The following AZIN2 variants were observed in gnomAD, a reference collection of about 807,000 sequenced individuals.
The protein encoded by AZIN2 is antizyme inhibitor 2.
A neutral mutation model predicts 47.8 loss-of-function variants in AZIN2; 28 were observed. That is an observed-to-expected ratio of 0.59 (90% CI 0.43 to 0.80). The LOEUF is 0.80. Among genes scored for constraint, AZIN2 ranks in the 30% least tolerant of loss-of-function variants. The probability of loss-of-function intolerance (pLI) is 0.00; values close to 1 mark genes in which losing one functional copy is unlikely to be tolerated. For synonymous variants in AZIN2, 221 were observed against 239.4 expected, an observed-to-expected ratio of 0.92 and a Z score of 0.71; for missense variants, 535 against 582.5, an observed-to-expected ratio of 0.92 and a Z score of 0.84.
At chr1:33,096,955 G>A in intron 9 of AZIN2, 86 bp downstream of exon 9, 1 of 1,539,934 alleles carries the variant, frequency 6.5e-7, no homozygotes, top group Non-Finnish European at 8.9e-7. Context: ...TTTAGACCCA[G>A]TGGCAGAGGA....
chr1:33,145,817 A>C, the AZIN2 span: 1 of 469,160 alleles, frequency 2.1e-6, no homozygotes, highest in Non-Finnish European at 4.4e-6. Flanking sequence ...GCTGTGGCAG[A>C]AAAACGCAGG....
chr1:33,120,270 T>G lies in AZIN2; in HGVS notation c.*88T>G. ...GGAAGATGGCAGGCAAGGGTACCCTTGGCCAGGACTCTGGTGCCCACCCTG... is the reference window on the plus strand; with the variant it reads ...GGAAGATGGCAGGCAAGGGTACCCTGGGCCAGGACTCTGGTGCCCACCCTG... On this transcript the variant is annotated 3_prime_UTR_variant, in exon 12 of 12. Transcript: ENST00000294517. 1 of 1,517,982 alleles carries G rather than the reference T, an allele frequency of 6.6e-7. No homozygotes were observed. The highest frequency in any genetic ancestry group is 8.8e-7 in the Non-Finnish European group (1 of 1,130,316). 94.0% of individuals were successfully genotyped at this position (1,517,982 alleles called of 1,614,324 possible).
At chr1:33,147,843 G>C in the AZIN2 span, 7 of 1,153,292 alleles carry the variant, frequency 6.1e-6, no homozygotes, top group South Asian at 3.1e-5. The surrounding 1 kb of genome is among the most constrained non-coding windows in gnomAD (Gnocchi z 8.1). Flanking sequence ...CTGACCTGCT[G>C]TGTGACCTTG....
At chr1:33,090,029 A>G (rs1329435905) in intron 5 of AZIN2, among the ~76,000 whole-genome samples, 2 of 152,186 alleles carry the variant, frequency 1.3e-5, no homozygotes, top group African/African-American at 4.8e-5. Flanking sequence ...TGAATGGGTT[A>G]TTGGCAAGGA....
At chr1:33,112,270 A>G (rs1014036526) in intron 10 of AZIN2, among the ~76,000 whole-genome samples, 2 of 152,180 alleles carry the variant, frequency 1.3e-5, no homozygotes, top group Non-Finnish European at 2.9e-5. Context: ...CTAGGCCTAT[A>G]TTGTAAAGAA....
chr1:33,165,244 G>A, the AZIN2 span: 35 of 479,062 alleles, frequency 7.3e-5, 2 homozygotes, highest in Non-Finnish European at 9.8e-5. This position sits in a 1 kb window ranked among gnomAD's most constrained non-coding sequence, Gnocchi z 4.0. Context: ...CGAGGGACCA[G>A]CCCACATCCT....
intron 10 of AZIN2, among the ~76,000 whole-genome samples, chr1:33,111,866 G>T (rs1570164286): frequency 6.6e-6 from 1 of 152,116 alleles, no homozygotes; most frequent in East Asian, 1.9e-4. Context: ...GCCTCCCAAA[G>T]TGCTGGGATT....
In AZIN2 at chr1:33,098,106, T is replaced by TGA. The variant is rs1244626733; in HGVS notation, c.956_957insGA (p.Asp320MetfsTer60). On this transcript the variant is annotated frameshift_variant, in exon 10 of 12. Transcript: ENST00000294517. LOFTEE classifies it high-confidence loss of function. ...ACCTCCAAGACCATCGTGTACCACC[T>TGA]TGATGAGGGCGTGTATGGGATCTTC... 6.2e-7 allele frequency: 1 copy of TGA among 1,614,168 alleles called. No homozygotes were observed. The highest frequency in any genetic ancestry group is 1.7e-5 in the Admixed American group (1 of 60,020).
At chr1:33,133,026 AGGCTTTGTGCTCCTT>A in the AZIN2 span, among the ~76,000 whole-genome samples, 1 of 152,208 alleles carries the variant, frequency 6.6e-6, no homozygotes. Context: ...TCCTTGGAGG[AGGCTTTGTGCTCCTT>A]GGTAAGGTTC....
intron 10 of AZIN2, among the ~76,000 whole-genome samples, chr1:33,110,969 G>A (rs1644259800): frequency 6.6e-6 from 1 of 152,238 alleles, no homozygotes; most frequent in South Asian, 2.1e-4. Context: ...CTCCAAGGCT[G>A]ATATTGAAAC....
chr1:33,087,460 A>G (rs1315296582), intron 5 of AZIN2, among the ~76,000 whole-genome samples: 1 of 143,432 alleles, frequency 7.0e-6, no homozygotes, highest in Non-Finnish European at 1.5e-5. Context: ...TTTTTGAGAC[A>G]GAGTCTTGCT....
the AZIN2 span, among the ~76,000 whole-genome samples, chr1:33,151,978 T>C: frequency 3.4e-3 from 511 of 152,350 alleles, 13 homozygotes; most frequent in East Asian, 0.056. Flanking sequence ...CTGTAAGCGT[T>C]TTCCTCTGGC....
the AZIN2 span, among the ~76,000 whole-genome samples, chr1:33,159,517 C>A: frequency 6.6e-6 from 1 of 152,188 alleles, no homozygotes; most frequent in African/African-American, 2.4e-5. This position sits in a 1 kb window ranked among gnomAD's most constrained non-coding sequence, Gnocchi z 4.2. Context: ...TCACTGGCTT[C>A]ATACTCAAGG....
intron 6 of AZIN2, among the ~76,000 whole-genome samples, chr1:33,092,519 G>A (rs1269487061): frequency 6.6e-6 from 1 of 152,196 alleles, no homozygotes; most frequent in East Asian, 1.9e-4. Context: ...AGACCCATGT[G>A]TTATGGAGGC....
At position 33,120,694 on chromosome 1, in the gene AZIN2, C is replaced by T. The variant is rs1644776221; in HGVS notation, c.*512C>T. 6.6e-6 allele frequency among the ~76,000 whole-genome samples: 1 copy of T among 152,174 alleles called. No homozygotes were observed. The highest frequency in any genetic ancestry group is 2.1e-4 in the South Asian group (1 of 4,830). On this transcript the variant is annotated 3_prime_UTR_variant, in exon 12 of 12. Coordinates refer to ENST00000294517, the MANE Select transcript of AZIN2 (RefSeq NM_052998.4). ...TCACCTTATCTGACTCATCTCTCTC[C>T]TCCTCATGGGCCTCCAGGCCTGGTG...
chr1:33,086,727 C>T (rs1641946049), intron 5 of AZIN2, among the ~76,000 whole-genome samples: 1 of 152,210 alleles, frequency 6.6e-6, no homozygotes, highest in Admixed American at 6.5e-5. Context: ...TATCATCTCT[C>T]CTGTCCCAAT....
At chr1:33,140,758 G>C in the AZIN2 span, among the ~76,000 whole-genome samples, 1 of 152,208 alleles carries the variant, frequency 6.6e-6, no homozygotes, top group Non-Finnish European at 1.5e-5. The surrounding 1 kb of genome is among the most constrained non-coding windows in gnomAD (Gnocchi z 4.0). Context: ...GTGTGGGCAG[G>C]TATGAAGTGG....
rs1044994038 is a variant in AZIN2 at position 33,121,037 on chromosome 1, C to T, written c.*855C>T. Reference sequence around the variant, plus strand: ...GAACAGGGCTGGCCACGGAGTATTGCTGTGTCCAGTGCCGACAGCCCTGGC... The same window carrying T: ...GAACAGGGCTGGCCACGGAGTATTGTTGTGTCCAGTGCCGACAGCCCTGGC... On this transcript the variant is annotated 3_prime_UTR_variant, in exon 12 of 12. Transcript: ENST00000294517. Among the ~76,000 whole-genome samples, 9 of 152,158 alleles carry T rather than the reference C, an allele frequency of 5.9e-5. No homozygotes were observed. Among genetic ancestry groups the T allele is most frequent in the African/African-American group, 1.9e-4 (8 of 41,440 alleles).
At chr1:33,161,856 T>C in the AZIN2 span, among the ~76,000 whole-genome samples, 1 of 152,168 alleles carries the variant, frequency 6.6e-6, no homozygotes, top group Non-Finnish European at 1.5e-5. This position sits in a 1 kb window ranked among gnomAD's most constrained non-coding sequence, Gnocchi z 4.3. Flanking sequence ...CCCATCTCTG[T>C]GACTGCTGCC....
Sources: gnomAD v4.1 joint callset for allele counts (sites outside exome capture counted in the v4.1 genomes callset) on GRCh38, gnomAD v4.1.1 for gene constraint, Gnocchi (gnomAD v3.1) non-coding constraint, MANE v1.5 for transcripts, NCBI Gene and HGNC (gene_info 2026-07-23, HGNC 2026-07-21) for gene names.